The following ZNF385D variants were observed in gnomAD, a reference collection of about 807,000 sequenced individuals.
The protein encoded by ZNF385D is zinc finger protein 385D.
Under a neutral mutation model 35.8 loss-of-function variants are expected in ZNF385D, and 15 were observed. That is an observed-to-expected ratio of 0.42 (90% CI 0.28 to 0.64). The LOEUF is 0.64. Ranked by LOEUF, ZNF385D falls within the 30% of genes least tolerant of loss-of-function variation. The probability of loss-of-function intolerance (pLI) is 0.23; values close to 1 mark genes in which losing one functional copy is unlikely to be tolerated. For missense variants in ZNF385D, 474 were observed against 494.6 expected (o/e 0.96, Z 0.39); for synonymous variants, 212 against 186.8 (o/e 1.13, Z -1.10).
chr3:22,220,762 C>T (rs1698204801), intron 2 of ZNF385D, among the ~76,000 whole-genome samples: 1 of 152,142 alleles, frequency 6.6e-6, no homozygotes, highest in African/African-American at 2.4e-5. Context: ...ATTTTCAACA[C>T]AATCTACCAC....
intron 2 of ZNF385D, among the ~76,000 whole-genome samples, chr3:22,234,622 A>C (rs961884503): frequency 1.3e-5 from 2 of 152,016 alleles, no homozygotes; most frequent in Non-Finnish European, 2.9e-5. Context: ...CTTCTGAATT[A>C]CATTATTTAT....
chr3:21,719,773 T>A (rs530669354), intron 1 of ZNF385D, among the ~76,000 whole-genome samples: 2 of 152,180 alleles, frequency 1.3e-5, no homozygotes, highest in Non-Finnish European at 2.9e-5. Context: ...TGCACCTAAC[T>A]TACAAAATAT....
chr3:22,140,831 G>C (rs895775635), intron 3 of ZNF385D, among the ~76,000 whole-genome samples: 1 of 152,172 alleles, frequency 6.6e-6, no homozygotes, highest in Non-Finnish European at 1.5e-5. Flanking sequence ...CAAGGGGCAG[G>C]GCAAGGTTGT....
At chr3:22,062,137 A>C (rs1699720638) in intron 3 of ZNF385D, among the ~76,000 whole-genome samples, 1 of 152,156 alleles carries the variant, frequency 6.6e-6, no homozygotes, top group South Asian at 2.1e-4. Context: ...TCCTAAGCTC[A>C]AGCAATTCTC....
chr3:21,786,364 A>C (rs1048662633), intron 3 of ZNF385D, among the ~76,000 whole-genome samples: 1 of 152,198 alleles, frequency 6.6e-6, no homozygotes, highest in South Asian at 2.1e-4. Flanking sequence ...GTTTGAGAAC[A>C]CAGTACTCCT....
intron 3 of ZNF385D, among the ~76,000 whole-genome samples, chr3:21,884,286 C>T (rs748286177): frequency 4.9e-4 from 75 of 151,996 alleles, no homozygotes; most frequent in Admixed American, 3.9e-4. Context: ...ACAGAGTGTG[C>T]CTTGCAAACA....
At chr3:21,662,437 G>C (rs764070934) in intron 2 of ZNF385D, among the ~76,000 whole-genome samples, 1 of 152,120 alleles carries the variant, frequency 6.6e-6, no homozygotes, top group Non-Finnish European at 1.5e-5. Context: ...GATGAAATGG[G>C]CTCTCTTGAA....
intron 3 of ZNF385D, among the ~76,000 whole-genome samples, chr3:21,874,444 A>T (rs1258349237): frequency 6.6e-6 from 1 of 151,790 alleles, no homozygotes; most frequent in Non-Finnish European, 1.5e-5. Context: ...ATTTTCTCCC[A>T]CTCTGTATTG....
At chr3:21,746,572 G>T (rs2069780157) in intron 1 of ZNF385D, among the ~76,000 whole-genome samples, 1 of 152,266 alleles carries the variant, frequency 6.6e-6, no homozygotes, top group South Asian at 2.1e-4. Flanking sequence ...AGATGTATTT[G>T]TAATAAGACA....
intron 3 of ZNF385D, among the ~76,000 whole-genome samples, chr3:21,771,165 A>T (rs1250395455): frequency 6.6e-6 from 1 of 151,908 alleles, no homozygotes; most frequent in Non-Finnish European, 1.5e-5. Flanking sequence ...GGTGCAGCAC[A>T]CCAACATGGC....
At chr3:21,851,551 T>C (rs981691585) in intron 3 of ZNF385D, among the ~76,000 whole-genome samples, 14 of 152,056 alleles carry the variant, frequency 9.2e-5, no homozygotes, top group Non-Finnish European at 2.1e-4. Context: ...AAACAAATTA[T>C]AGTATATTCA....
rs1340053880 is a variant in ZNF385D, at chr3:21,415,015, T to A, written c.*6199A>T. 6.6e-6 allele frequency: 1 copy of A among 152,104 alleles called. No individual in the cohort carries two copies. The highest frequency in any genetic ancestry group is 2.4e-5 in the African/African-American group (1 of 41,424). The allele number at this position is 152,104 out of a possible 1,614,324, so 9.4% of individuals were successfully genotyped here. On this transcript the variant is annotated 3_prime_UTR_variant, in exon 8 of 8. Transcript: ENST00000281523. ...CCTATACTGAAATTATATAACAATG[T>A]GTGTTAAGTTGGGTTGACAAACGTC...
Position 22,333,820 on chromosome 3 carries a change from G to A in ZNF385D, c.106+38630C>T, listed in dbSNP as rs561439369. 3.8e-4 allele frequency among the ~76,000 whole-genome samples: 58 copies of A among 152,282 alleles called. No homozygotes were observed. In the South Asian group the frequency reaches 8.9e-3, roughly 23 times the overall value. ...ACACCCAGCTTTCAGGTGACCTTGG[G>A]TGGAAGCTGGTGGATACCAGAGAGA... On this transcript the variant is annotated intron_variant, in intron 2 of 5. Transcript: ENST00000494108.
At chr3:22,215,809 C>T (rs913070958) in intron 2 of ZNF385D, among the ~76,000 whole-genome samples, 4 of 151,968 alleles carry the variant, frequency 2.6e-5, no homozygotes, top group African/African-American at 7.2e-5. Context: ...TTTTACGGCT[C>T]AAGGGGCATC....
At chr3:22,352,457 T>C (rs944153518) in intron 2 of ZNF385D, among the ~76,000 whole-genome samples, 6 of 152,210 alleles carry the variant, frequency 3.9e-5, no homozygotes, top group African/African-American at 1.2e-4. Flanking sequence ...TTTTCCAAGG[T>C]GAAAAATGTG....
intron 2 of ZNF385D, among the ~76,000 whole-genome samples, chr3:21,618,461 G>T (rs2064911515): frequency 6.6e-6 from 1 of 152,118 alleles, no homozygotes; most frequent in South Asian, 2.1e-4. Flanking sequence ...AACTGTGACA[G>T]AATAAATTTC....
intron 3 of ZNF385D, among the ~76,000 whole-genome samples, chr3:22,023,891 T>G (rs1332875954): frequency 2.0e-5 from 3 of 152,082 alleles, no homozygotes; most frequent in Admixed American, 1.3e-4. Context: ...CCTGTATTAG[T>G]TCGTTTTCAT....
At chr3:21,977,729 G>T (rs1157334701) in intron 3 of ZNF385D, among the ~76,000 whole-genome samples, 1 of 151,930 alleles carries the variant, frequency 6.6e-6, no homozygotes, top group African/African-American at 2.4e-5. Context: ...CCAGCTACTC[G>T]GGAGGCTGAA....
chr3:22,079,711 G>A (rs2593323), intron 3 of ZNF385D, among the ~76,000 whole-genome samples: 58,154 of 151,770 alleles, frequency 0.38, 11,425 homozygotes, highest in Middle Eastern at 0.52. Flanking sequence ...GTCTTTATTT[G>A]TATCATTTTC....
Sources: gnomAD v4.1 joint callset for allele counts (sites outside exome capture counted in the v4.1 genomes callset) on GRCh38, gnomAD v4.1.1 for gene constraint, MANE v1.5 for transcripts, NCBI Gene and HGNC (gene_info 2026-07-23, HGNC 2026-07-21) for gene names.